The following SCHIP1 variants were observed in gnomAD, a reference collection of about 807,000 sequenced individuals.
The protein encoded by SCHIP1 is schwannomin-interacting protein 1.
In SCHIP1, 8 loss-of-function variants were observed where a neutral mutation model predicts 29.7. That is an observed-to-expected ratio of 0.27 (90% CI 0.16 to 0.49). The LOEUF is 0.49. SCHIP1 is among the 20% of genes least tolerant of loss of function. The pLI, the probability that SCHIP1 is intolerant of heterozygous loss-of-function variation, is 0.99. For missense variants in SCHIP1, 193 were observed against 294.6 expected (o/e 0.66, Z 2.52); for synonymous variants, 76 against 94.9 (o/e 0.80, Z 1.16).
chr3:159,410,000 A>G, the SCHIP1 span, among the ~76,000 whole-genome samples: 2 of 152,160 alleles, frequency 1.3e-5, no homozygotes, highest in Non-Finnish European at 2.9e-5. Flanking sequence ...TTTTTGATGA[A>G]GGTGCCCAAA....
At chr3:159,301,326 C>A in the SCHIP1 span, among the ~76,000 whole-genome samples, 1 of 152,176 alleles carries the variant, frequency 6.6e-6, no homozygotes, top group Non-Finnish European at 1.5e-5. Flanking sequence ...CTAACTGTTA[C>A]TCTACATAGC....
the SCHIP1 span, among the ~76,000 whole-genome samples, chr3:159,445,536 C>A: frequency 1.1e-4 from 16 of 151,976 alleles, 1 homozygote; most frequent in Admixed American, 1.0e-3. Context: ...GGTATATACC[C>A]AAAGGACTAT....
At chr3:159,576,725 C>T in the SCHIP1 span, among the ~76,000 whole-genome samples, 5 of 152,102 alleles carry the variant, frequency 3.3e-5, no homozygotes, top group East Asian at 1.9e-4. Flanking sequence ...TTCAACTCCC[C>T]GACTTATGCC....
chr3:159,350,151 A>G, the SCHIP1 span, among the ~76,000 whole-genome samples: 1 of 152,272 alleles, frequency 6.6e-6, no homozygotes, highest in Non-Finnish European at 1.5e-5. Context: ...TTTTTTACAC[A>G]TATTATTGTA....
At chr3:159,852,934 G>A (rs537545827) in intron 1 of SCHIP1, 2 of 154,970 alleles carry the variant, frequency 1.3e-5, no homozygotes, top group Admixed American at 6.5e-5. Context: ...ATCTACCCCT[G>A]GTTCAGATTG....
the SCHIP1 span, among the ~76,000 whole-genome samples, chr3:159,646,942 A>T: frequency 6.6e-6 from 1 of 152,106 alleles, no homozygotes; most frequent in Non-Finnish European, 1.5e-5. Context: ...TGTCTGCCCC[A>T]TCTAGTAAGG....
At chr3:159,484,563 T>C in the SCHIP1 span, among the ~76,000 whole-genome samples, 3 of 152,176 alleles carry the variant, frequency 2.0e-5, no homozygotes, top group Non-Finnish European at 4.4e-5. Context: ...ACCTCCTCTA[T>C]ATTTTGTCAT....
At chr3:159,358,259 T>A in the SCHIP1 span, among the ~76,000 whole-genome samples, 1 of 152,232 alleles carries the variant, frequency 6.6e-6, no homozygotes, top group Admixed American at 6.5e-5. Context: ...TCTTCGATTA[T>A]CCCCAGCACC....
At chr3:159,606,792 A>AT in the SCHIP1 span, among the ~76,000 whole-genome samples, 2 of 152,200 alleles carry the variant, frequency 1.3e-5, no homozygotes, top group Non-Finnish European at 2.9e-5. Context: ...GAAAAGGTGT[A>AT]TCTTGACTTC....
At chr3:159,723,965 TTA>T in the SCHIP1 span, among the ~76,000 whole-genome samples, 1 of 152,222 alleles carries the variant, frequency 6.6e-6, no homozygotes, top group Non-Finnish European at 1.5e-5. Context: ...TAGCTCAATT[TTA>T]TATGTTTTAA....
chr3:159,706,554 C>T, the SCHIP1 span, among the ~76,000 whole-genome samples: 1 of 152,170 alleles, frequency 6.6e-6, no homozygotes, highest in Admixed American at 6.5e-5. Flanking sequence ...GAGATCTTTT[C>T]CCTGAATACC....
At chr3:159,750,750 G>C in the SCHIP1 span, among the ~76,000 whole-genome samples, 3 of 152,238 alleles carry the variant, frequency 2.0e-5, no homozygotes, top group East Asian at 5.8e-4. Context: ...TTGGTGATGG[G>C]GCAGTGGGTG....
chr3:159,387,344 G>A, the SCHIP1 span: 1 of 378,652 alleles, frequency 2.6e-6, no homozygotes, highest in South Asian at 2.1e-5. Context: ...TTATGGGCAG[G>A]GAGAAGAGAT....
At chr3:159,692,008 C>A in the SCHIP1 span, among the ~76,000 whole-genome samples, 1 of 145,732 alleles carries the variant, frequency 6.9e-6, no homozygotes, top group Non-Finnish European at 1.5e-5. Context: ...GGTAACCCGA[C>A]CTTTCTTTTT....
At chr3:159,630,845 C>G in the SCHIP1 span, among the ~76,000 whole-genome samples, 1 of 152,098 alleles carries the variant, frequency 6.6e-6, no homozygotes, top group African/African-American at 2.4e-5. Flanking sequence ...CCAAACACCA[C>G]CTGTTCCCCA....
the SCHIP1 span, among the ~76,000 whole-genome samples, chr3:159,720,217 G>A: frequency 1.5e-5 from 2 of 133,622 alleles, no homozygotes; most frequent in South Asian, 2.7e-4. Flanking sequence ...ATCACACACC[G>A]GGGCCTATCG....
chr3:159,612,024 T>A, the SCHIP1 span, among the ~76,000 whole-genome samples: 1 of 152,160 alleles, frequency 6.6e-6, no homozygotes, highest in Non-Finnish European at 1.5e-5. Flanking sequence ...ATGATTAATA[T>A]TGCTGTTAAA....
At chr3:159,619,774 T>C in the SCHIP1 span, among the ~76,000 whole-genome samples, 4 of 152,194 alleles carry the variant, frequency 2.6e-5, no homozygotes, top group Non-Finnish European at 4.4e-5. Flanking sequence ...GTTTGCTTTC[T>C]AGTTTTATTT....
At chr3:159,750,263 G>GTATATATATATATATATA in the SCHIP1 span, among the ~76,000 whole-genome samples, 3 of 25,096 alleles carry the variant, frequency 1.2e-4, no homozygotes, top group East Asian at 1.9e-3. Context: ...ATGTGTGTGT[G>GTATATATATATATATATA]TATATATATA....
Sources: gnomAD v4.1 joint callset for allele counts (sites outside exome capture counted in the v4.1 genomes callset) on GRCh38, gnomAD v4.1.1 for gene constraint, MANE v1.5 for transcripts, NCBI Gene and HGNC (gene_info 2026-07-23, HGNC 2026-07-21) for gene names.